The following MCF2L variants were observed in gnomAD, a reference collection of about 807,000 sequenced individuals.
MCF2L encodes the protein guanine nucleotide exchange factor DBS.
In MCF2L, 97 loss-of-function variants were observed where a neutral mutation model predicts 153.4. The ratio of observed to expected loss-of-function variants is 0.63; its 90% CI spans 0.54 to 0.75. The LOEUF (loss-of-function observed/expected upper bound fraction) is 0.75. Ranked by LOEUF, MCF2L falls within the 30% of genes least tolerant of loss-of-function variation. The pLI is 0.00. For missense variants in MCF2L, 1,347 were observed against 1,495.2 expected, an observed-to-expected ratio of 0.90 and a Z score of 1.64; for synonymous variants, 659 against 632.2, an observed-to-expected ratio of 1.04 and a Z score of -0.64.
intron 3 of MCF2L, chr13:113,034,108 T>A: frequency 6.3e-6 from 1 of 158,418 alleles, no homozygotes. Flanking sequence ...AAATTAAAAA[T>A]CCAGCCCATG....
chr13:113,008,886 T>TA (rs1179807032), intron 1 of MCF2L: 1 of 152,196 alleles, frequency 6.6e-6, no homozygotes, highest in African/African-American at 2.4e-5. Flanking sequence ...AGGGGATTCT[T>TA]ACGCCCGCCT....
intron 1 of MCF2L, among the ~76,000 whole-genome samples, chr13:113,006,538 G>A (rs919210466): frequency 1.3e-5 from 2 of 152,172 alleles, no homozygotes; most frequent in African/African-American, 2.4e-5. Context: ...CTGCCAGTGC[G>A]ACCCCTCCTG....
At chr13:113,000,313 A>G (rs2083310175) in intron 1 of MCF2L, among the ~76,000 whole-genome samples, 1 of 152,138 alleles carries the variant, frequency 6.6e-6, no homozygotes, top group African/African-American at 2.4e-5. Flanking sequence ...GGGAGGACAA[A>G]TAATTATGGA....
At chr13:113,091,119 A>G (rs1232546129) in intron 26 of MCF2L, 6 of 1,298,474 alleles carry the variant, frequency 4.6e-6, no homozygotes, top group African/African-American at 1.6e-5. Context: ...CTCCTCTTGC[A>G]GCTTCTCCTA....
At chr13:112,930,967 C>T (rs773018986) in intron 2 of MCF2L, among the ~76,000 whole-genome samples, 4 of 152,064 alleles carry the variant, frequency 2.6e-5, no homozygotes, top group Admixed American at 6.6e-5. Context: ...AAAATCATTT[C>T]GGAGGTCAGA....
At chr13:112,997,741 C>T (rs1377880848) in intron 1 of MCF2L, among the ~76,000 whole-genome samples, 1 of 152,240 alleles carries the variant, frequency 6.6e-6, no homozygotes. Flanking sequence ...CCCACAGCTC[C>T]TTGGGGTGGG....
At chr13:112,979,568 C>G in intron 1 of MCF2L, 10 of 1,571,482 alleles carry the variant, frequency 6.4e-6, no homozygotes, top group Non-Finnish European at 8.6e-6. Flanking sequence ...AGCAGAGACC[C>G]GAAGGCTGTG....
chr13:113,060,246 C>G (rs1384989515), intron 4 of MCF2L, among the ~76,000 whole-genome samples: 1 of 152,222 alleles, frequency 6.6e-6, no homozygotes, highest in African/African-American at 2.4e-5. Context: ...GACCGCGTCA[C>G]CAGCCAAGGT....
chr13:112,928,471 A>G (rs1180597391), intron 2 of MCF2L, among the ~76,000 whole-genome samples: 1 of 152,176 alleles, frequency 6.6e-6, no homozygotes, highest in Non-Finnish European at 1.5e-5. Context: ...CTGTCTAGCC[A>G]TGCCAGCCGT....
chr13:113,066,205 C>A, intron 8 of MCF2L, 35 bp downstream of exon 8: 1 of 1,571,532 alleles, frequency 6.4e-7, no homozygotes. Context: ...CTCATCCTGT[C>A]CCAGTCCATG....
intron 1 of MCF2L, among the ~76,000 whole-genome samples, chr13:112,990,051 C>T (rs1430112529): frequency 2.0e-5 from 3 of 152,202 alleles, no homozygotes; most frequent in African/African-American, 7.2e-5. Context: ...GCAGTCCTCA[C>T]TCACCCGCCA....
chr13:112,948,864 G>A (rs572430026), intron 2 of MCF2L, among the ~76,000 whole-genome samples: 3 of 152,308 alleles, frequency 2.0e-5, no homozygotes, highest in South Asian at 2.1e-4. Flanking sequence ...CCAGGAGTTC[G>A]AGACCAGCCT....
In MCF2L at chr13:112,974,330, C is replaced by T. The variant is rs559399156; in HGVS notation, c.79+4872C>T. 4.6e-5 allele frequency among the ~76,000 whole-genome samples: 7 copies of T among 151,934 alleles called. No homozygotes were observed. In the South Asian group the frequency reaches 1.5e-3, roughly 32 times the overall value. ...TGACTTCCAGGTCTGCAAGGGCCCC[C>T]GGCGTGGCCAACCTCTGAGTCTGCA... On this transcript the variant is annotated intron_variant, in intron 1 of 29. Transcript: ENST00000535094.
chr13:112,988,141 G>A (rs780407510), intron 1 of MCF2L, among the ~76,000 whole-genome samples: 10 of 152,100 alleles, frequency 6.6e-5, no homozygotes, highest in Non-Finnish European at 1.2e-4. Context: ...GAGGGAAGTC[G>A]ACGGCATCTG....
At position 112,960,963 on chromosome 13, in the gene MCF2L, G is replaced by C; in HGVS notation, c.170-53800G>C. Among the ~76,000 whole-genome samples, 1 of 152,186 alleles carries C rather than the reference G, an allele frequency of 6.6e-6. No individual in the cohort carries two copies. The highest frequency in any genetic ancestry group is 1.5e-5 in the Non-Finnish European group (1 of 68,026). ...GCAGGCCGTGCCGCAGCTCAAGTGG[G>C]GGCCCCTGAGGGGCCTCCAGTGTTT... is the stretch of plus-strand genomic sequence containing the variant. On this transcript the variant is annotated intron_variant, in intron 2 of 29. Transcript: ENST00000375608. This position sits in a 1 kb window ranked among gnomAD's most constrained non-coding sequence, Gnocchi z 4.2.
At chr13:113,050,994 G>T in intron 4 of MCF2L, among the ~76,000 whole-genome samples, 1 of 152,084 alleles carries the variant, frequency 6.6e-6, no homozygotes, top group Non-Finnish European at 1.5e-5. Flanking sequence ...GCAGGGAACT[G>T]AAATGCGCGC....
chr13:113,076,071 T>A lies in MCF2L; in HGVS notation c.1414T>A (p.Phe472Ile). ...AEAALQEIEK[F>I]LETGAENKIQ... ...GGCTGCCCTCCAGGAAATCGAGAAG[T>A]TTTTGGAGACCGGTGCGGAAAATAA... Residue 472 changes from phenylalanine to isoleucine, a missense_variant, in exon 12 of 30, where the codon TTT becomes ATT. Around this residue, in one of 3 missense-constraint regions of MCF2L, gnomAD observed 820 missense variants for 921.2 expected, o/e 0.89. Transcript: ENST00000535094. The A allele has an allele frequency of 1.2e-6, 2 of 1,613,914 alleles. No homozygotes were observed. Among genetic ancestry groups the A allele is most frequent in the Non-Finnish European group, 1.7e-6 (2 of 1,179,974 alleles).
In MCF2L at chr13:113,084,966, C is replaced by T. The variant is rs202173866; in HGVS notation, c.2136C>T (p.Ser712=). The change falls in exon 19 of 30, where the codon TCC becomes TCT. Residue 712 remains serine, a synonymous_variant. Coordinates refer to ENST00000535094, the MANE Select transcript of MCF2L (RefSeq NM_001112732.3). ...CTGAGAGCCTGTGGAGACAGTGCTC[C>T]GACTGCCCGTTTTTCCAGGTTTGTC... ...PRSESLWRQC[S]DCPFFQECQR... is the part of the protein sequence containing the mutation. The T allele has an allele frequency of 2.6e-4, 412 of 1,613,882 alleles. No individual in the cohort carries two copies. The highest frequency in any genetic ancestry group is 5.9e-4 in the African/African-American group (44 of 74,938).
rs60390995 is a variant in MCF2L at position 113,024,890 on chromosome 13, G to A, written c.278+132G>A. On this transcript the variant is annotated intron_variant, in intron 3 of 29. Coordinates refer to ENST00000535094, the MANE Select transcript of MCF2L (RefSeq NM_001112732.3). ...GAGATTTCCCTGTCATGGGGTCCCC[G>A]TGACTGTGGGTCGGGGCAGAGTCCC... 3,981 of 712,440 alleles carry A rather than the reference G, an allele frequency of 5.6e-3. 179 individuals carry two copies. In the East Asian group the frequency reaches 0.087, roughly 15 times the overall value. The allele number at this position is 712,440 out of a possible 1,614,324, so 44.1% of individuals were successfully genotyped here. A position where few individuals can be genotyped will look rare whatever the true frequency, so the allele number is the denominator to read the frequency against.
Sources: gnomAD v4.1 joint callset for allele counts (sites outside exome capture counted in the v4.1 genomes callset) on GRCh38, gnomAD v4.1.1 for gene constraint, gnomAD v4.1.1 regional missense constraint, Gnocchi (gnomAD v3.1) non-coding constraint, MANE v1.5 for transcripts, NCBI Gene and HGNC (gene_info 2026-07-23, HGNC 2026-07-21) for gene names.